ARHGAP15: variants seen among roughly 807,000 people sequenced by gnomAD.
ARHGAP15 encodes rho GTPase-activating protein 15.
ARHGAP15 carries 51 observed loss-of-function variants against 63.7 expected under a neutral mutation model. The observed-to-expected ratio is 0.80, with a 90% CI of 0.64 to 1.01. The LOEUF (loss-of-function observed/expected upper bound fraction) is 1.01, where lower values mean the gene tolerates loss of function less well. Among genes scored for constraint, ARHGAP15 ranks in the 50% least tolerant of loss-of-function variants. The pLI is 0.00. For missense variants in ARHGAP15, 560 were observed against 564.6 expected, an observed-to-expected ratio of 0.99 and a Z score of 0.08; for synonymous variants, 191 against 193.8, an observed-to-expected ratio of 0.99 and a Z score of 0.12.
chr2:143,533,505 C>T (rs982609279), intron 10 of ARHGAP15, among the ~76,000 whole-genome samples: 31 of 152,314 alleles, frequency 2.0e-4, no homozygotes, highest in African/African-American at 7.5e-4. Flanking sequence ...GCTTGATGTT[C>T]AGACACCCTT....
At chr2:143,346,220 T>TCTCACACACACTCTCTCTCTCA (rs201454435) in intron 6 of ARHGAP15, among the ~76,000 whole-genome samples, 1 of 124,926 alleles carries the variant, frequency 8.0e-6, no homozygotes, top group Non-Finnish European at 1.6e-5. Context: ...ACACTCTCTC[T>TCTCACACACACTCTCTCTCTCA]CACACACACT....
chr2:143,254,947 T>C (rs151049811), intron 6 of ARHGAP15, among the ~76,000 whole-genome samples: 1 of 152,188 alleles, frequency 6.6e-6, no homozygotes, highest in East Asian at 1.9e-4. Flanking sequence ...GAAGTAAAGA[T>C]GAAGAAGATA....
intron 6 of ARHGAP15, among the ~76,000 whole-genome samples, chr2:143,323,921 A>AAAAAAAAC (rs1558893097): frequency 5.3e-5 from 8 of 149,652 alleles, no homozygotes; most frequent in African/African-American, 1.7e-4. Context: ...AAAAAAAAAA[A>AAAAAAAAC]AACACCTAAA....
chr2:143,150,376 G>T (rs1689767514), intron 1 of ARHGAP15, among the ~76,000 whole-genome samples: 1 of 151,956 alleles, frequency 6.6e-6, no homozygotes, highest in South Asian at 2.1e-4. Flanking sequence ...ACTCCTATTT[G>T]CAGTATGAGT....
At chr2:143,265,755 A>T (rs1680957532) in intron 6 of ARHGAP15, among the ~76,000 whole-genome samples, 1 of 152,048 alleles carries the variant, frequency 6.6e-6, no homozygotes, top group Non-Finnish European at 1.5e-5. Flanking sequence ...TTCCTTCCCA[A>T]AATATATAAA....
intron 12 of ARHGAP15, among the ~76,000 whole-genome samples, chr2:143,666,310 C>A (rs1284788169): frequency 2.9e-4 from 44 of 151,466 alleles, no homozygotes; most frequent in African/African-American, 8.0e-4. Flanking sequence ...GAAAAACAAG[C>A]AATGGGGAAA....
intron 6 of ARHGAP15, among the ~76,000 whole-genome samples, chr2:143,372,374 A>T (rs1284886034): frequency 6.9e-6 from 1 of 144,708 alleles, no homozygotes; most frequent in African/African-American, 2.6e-5. Flanking sequence ...AAAAAAAAGG[A>T]CCCAGAGACT....
intron 2 of ARHGAP15, among the ~76,000 whole-genome samples, chr2:143,163,456 T>A (rs1000747892): frequency 6.6e-6 from 1 of 151,628 alleles, no homozygotes; most frequent in Non-Finnish European, 1.5e-5. Flanking sequence ...TATGGAGAGA[T>A]GTATTTGTAT....
chr2:143,470,207 G>A (rs985908574), intron 8 of ARHGAP15, among the ~76,000 whole-genome samples: 7 of 150,672 alleles, frequency 4.6e-5, no homozygotes, highest in African/African-American at 9.8e-5. Context: ...TTAAGAAAGA[G>A]CTCAACATGA....
chr2:143,727,924 T>C (rs995486000), intron 13 of ARHGAP15, among the ~76,000 whole-genome samples: 4 of 152,236 alleles, frequency 2.6e-5, no homozygotes, highest in African/African-American at 9.6e-5. Context: ...ATTAAAGTTA[T>C]GGAGTTAGCT....
chr2:143,242,005 A>T (rs771901853), intron 5 of ARHGAP15, among the ~76,000 whole-genome samples: 2 of 152,086 alleles, frequency 1.3e-5, no homozygotes, highest in African/African-American at 4.8e-5. Flanking sequence ...AAAGGAATTT[A>T]TCTCCCATAT....
chr2:143,145,425 G>T (rs1183046100), intron 1 of ARHGAP15, among the ~76,000 whole-genome samples: 1 of 151,830 alleles, frequency 6.6e-6, no homozygotes, highest in Non-Finnish European at 1.5e-5. Context: ...CTCTTGCTAG[G>T]GTTGAGGTTC....
chr2:143,368,509 A>G, intron 6 of ARHGAP15, among the ~76,000 whole-genome samples: 1 of 152,118 alleles, frequency 6.6e-6, no homozygotes, highest in South Asian at 2.1e-4. Context: ...GAGTTTAAGC[A>G]AAGAAGTGAC....
chr2:143,693,847 A>G (rs534755621), intron 12 of ARHGAP15, among the ~76,000 whole-genome samples: 1 of 152,334 alleles, frequency 6.6e-6, no homozygotes, highest in African/African-American at 2.4e-5. Flanking sequence ...TACTTCTTAT[A>G]AGAACATATT....
At chr2:143,420,381 T>C (rs975080020) in intron 6 of ARHGAP15, among the ~76,000 whole-genome samples, 2 of 152,176 alleles carry the variant, frequency 1.3e-5, no homozygotes, top group Non-Finnish European at 2.9e-5. Context: ...CACAGAAGAA[T>C]TGAGATAGCT....
chr2:143,528,798 G>C (rs374290514), intron 10 of ARHGAP15, among the ~76,000 whole-genome samples: 4 of 152,056 alleles, frequency 2.6e-5, no homozygotes, highest in African/African-American at 9.7e-5. Context: ...ACAACAGTGA[G>C]ATTTTTTTCT....
intron 11 of ARHGAP15, among the ~76,000 whole-genome samples, chr2:143,598,663 T>G (rs1450941254): frequency 1.3e-5 from 2 of 152,154 alleles, no homozygotes; most frequent in Non-Finnish European, 2.9e-5. Flanking sequence ...AGCAGCATTT[T>G]GGGAAGCTGA....
intron 12 of ARHGAP15, among the ~76,000 whole-genome samples, chr2:143,662,464 G>A (rs866120654): frequency 6.9e-6 from 1 of 144,096 alleles, no homozygotes; most frequent in African/African-American, 2.5e-5. Flanking sequence ...CAAAGATGGG[G>A]AAAAAACAGA....
chr2:143,573,608 A>G (rs891743562), intron 11 of ARHGAP15, among the ~76,000 whole-genome samples: 4 of 152,244 alleles, frequency 2.6e-5, no homozygotes, highest in Admixed American at 1.3e-4. Context: ...CACATTTAAA[A>G]GTATTGTTAA....
Sources: allele counts gnomAD v4.1 joint callset (sites outside exome capture counted in the v4.1 genomes callset), GRCh38; gene constraint gnomAD v4.1.1; transcripts MANE v1.5; gene names NCBI Gene and HGNC (gene_info 2026-07-23, HGNC 2026-07-21).